The following KLHL1 variants were observed in gnomAD, a reference collection of about 807,000 sequenced individuals.
KLHL1 encodes kelch like family member 1, also known as kelch-like protein 1.
KLHL1 carries 47 observed loss-of-function variants against 77.7 expected under a neutral mutation model. The observed-to-expected ratio is 0.60, with a 90% CI of 0.48 to 0.77. The LOEUF is 0.77. Among genes scored for constraint, KLHL1 ranks in the 30% least tolerant of loss-of-function variants. The probability of loss-of-function intolerance (pLI) is 0.00; values close to 1 mark genes in which losing one functional copy is unlikely to be tolerated. For synonymous variants in KLHL1, 360 were observed against 325.2 expected, an observed-to-expected ratio of 1.11 and a Z score of -1.15; for missense variants, 925 against 910.8, an observed-to-expected ratio of 1.02 and a Z score of -0.20.
intron 4 of KLHL1, among the ~76,000 whole-genome samples, chr13:69,900,496 G>A (rs1416090254): frequency 6.6e-6 from 1 of 152,182 alleles, no homozygotes; most frequent in Non-Finnish European, 1.5e-5. Flanking sequence ...ATTGTTCCCA[G>A]TAATCCACTT....
intron 3 of KLHL1, among the ~76,000 whole-genome samples, chr13:69,941,339 C>T (rs1883360440): frequency 6.6e-6 from 1 of 152,002 alleles, no homozygotes; most frequent in African/African-American, 2.4e-5. Context: ...ATACTCTGCT[C>T]TTGAATGATC....
chr13:69,736,199 C>A (rs527249665), intron 8 of KLHL1, among the ~76,000 whole-genome samples: 1 of 141,942 alleles, frequency 7.0e-6, no homozygotes, highest in East Asian at 1.9e-4. Context: ...AAGAAAGAAA[C>A]AAACAATCCC....
At chr13:69,734,624 T>G (rs539338682) in intron 8 of KLHL1, among the ~76,000 whole-genome samples, 1 of 152,204 alleles carries the variant, frequency 6.6e-6, no homozygotes, top group African/African-American at 2.4e-5. Context: ...TGGCAAATGC[T>G]ATGACAAGAT....
chr13:69,973,364 CAT>C (rs1300056190), intron 2 of KLHL1, among the ~76,000 whole-genome samples: 1 of 151,528 alleles, frequency 6.6e-6, no homozygotes. Context: ...ATAAATTAAA[CAT>C]ATATAATTAT....
At position 69,940,255 on chromosome 13, in the gene KLHL1, A is replaced by G. The variant is rs757173066; in HGVS notation, c.818-19T>C. 6.4e-7 allele frequency: 1 copy of G among 1,566,928 alleles called. No homozygotes were observed. The highest frequency in any genetic ancestry group is 8.6e-7 in the Non-Finnish European group (1 of 1,156,756). On this transcript the variant is annotated intron_variant, in intron 3 of 10. Transcript: ENST00000377844. ...AAGCAGCCTAAACATAAGCAAAGAT[A>G]ATTATGAAACTCTTTTAAAAACATG...
chr13:69,820,212 T>C (rs899874962), intron 6 of KLHL1, among the ~76,000 whole-genome samples: 3 of 152,202 alleles, frequency 2.0e-5, no homozygotes, highest in African/African-American at 7.2e-5. Context: ...CTCACTTTGT[T>C]CTGATATACG....
chr13:70,096,166 G>A (rs1887784283), intron 1 of KLHL1, among the ~76,000 whole-genome samples: 1 of 152,068 alleles, frequency 6.6e-6, no homozygotes, highest in African/African-American at 2.4e-5. Flanking sequence ...GAGAGCAGAT[G>A]TTTCTACAAT....
intron 5 of KLHL1, among the ~76,000 whole-genome samples, chr13:69,879,039 G>GTT (rs1320914239): frequency 6.6e-6 from 1 of 152,004 alleles, no homozygotes; most frequent in African/African-American, 2.4e-5. Context: ...TTCATAGGTG[G>GTT]GAATTGAACA....
chr13:69,802,341 C>T (rs1877421412), intron 6 of KLHL1, among the ~76,000 whole-genome samples: 1 of 152,074 alleles, frequency 6.6e-6, no homozygotes, highest in East Asian at 1.9e-4. Flanking sequence ...ATCCATGTGT[C>T]TTTACAGTGA....
intron 1 of KLHL1, among the ~76,000 whole-genome samples, chr13:70,090,013 A>T (rs1887635521): frequency 6.6e-6 from 1 of 152,082 alleles, no homozygotes; most frequent in African/African-American, 2.4e-5. Flanking sequence ...TCCTCTGAAA[A>T]GCCCATTTAA....
At chr13:69,937,018 T>C (rs1042552898) in intron 4 of KLHL1, among the ~76,000 whole-genome samples, 1 of 152,132 alleles carries the variant, frequency 6.6e-6, no homozygotes, top group Non-Finnish European at 1.5e-5. Context: ...CATGAATGCC[T>C]CTTATTGGCA....
intron 6 of KLHL1, among the ~76,000 whole-genome samples, chr13:69,838,086 T>C (rs1015014736): frequency 3.3e-5 from 5 of 151,824 alleles, no homozygotes; most frequent in Middle Eastern, 3.4e-3. Context: ...TGAGAATGTG[T>C]CATTCTCTAT....
At chr13:70,024,634 C>T (rs1444780170) in intron 1 of KLHL1, among the ~76,000 whole-genome samples, 32 of 83,632 alleles carry the variant, frequency 3.8e-4, no homozygotes, top group African/African-American at 2.1e-3. Flanking sequence ...CTCTCTCTCT[C>T]TCTCTCTCTC....
intron 1 of KLHL1, among the ~76,000 whole-genome samples, chr13:69,985,863 G>C (rs1884853838): frequency 1.8e-5 from 1 of 54,878 alleles, no homozygotes; most frequent in African/African-American, 3.9e-5. Flanking sequence ...TATATACATA[G>C]TATTCCACTG....
At chr13:69,844,967 T>C (rs61965337) in intron 5 of KLHL1, among the ~76,000 whole-genome samples, 4,888 of 151,706 alleles carry the variant, frequency 0.032, 114 homozygotes, top group Non-Finnish European at 0.046. Flanking sequence ...CCAGGAAATA[T>C]TTGCTCCCGC....
At chr13:70,010,899 A>AAAT (rs1054043343) in intron 1 of KLHL1, among the ~76,000 whole-genome samples, 1 of 150,346 alleles carries the variant, frequency 6.7e-6, no homozygotes. Context: ...TCTCAAAAAA[A>AAAT]AATAATAATA....
intron 1 of KLHL1, among the ~76,000 whole-genome samples, chr13:70,012,870 T>C (rs1315697582): frequency 6.6e-6 from 1 of 151,328 alleles, no homozygotes; most frequent in Non-Finnish European, 1.5e-5. Context: ...GCCCCTGCAC[T>C]CCAGCCTGGT....
chr13:70,003,801 G>A (rs1593666455), intron 1 of KLHL1, among the ~76,000 whole-genome samples: 1 of 151,728 alleles, frequency 6.6e-6, no homozygotes, highest in Non-Finnish European at 1.5e-5. Flanking sequence ...ATAATTAGGA[G>A]TAAGGAATTA....
intron 7 of KLHL1, among the ~76,000 whole-genome samples, chr13:69,781,474 T>A (rs1034052971): frequency 2.6e-5 from 4 of 152,110 alleles, no homozygotes; most frequent in Admixed American, 6.5e-5. Context: ...TGAAGCATGC[T>A]TTCATTATTT....
Sources: gnomAD v4.1 joint callset for allele counts (sites outside exome capture counted in the v4.1 genomes callset) on GRCh38, gnomAD v4.1.1 for gene constraint, MANE v1.5 for transcripts, NCBI Gene and HGNC (gene_info 2026-07-23, HGNC 2026-07-21) for gene names.